The following NUP210 variants were observed in gnomAD, a reference collection of about 807,000 sequenced individuals.
NUP210 encodes the protein nuclear pore membrane glycoprotein 210.
NUP210 carries 151 observed loss-of-function variants against 196.0 expected under a neutral mutation model. The observed-to-expected ratio is 0.77, with a 90% CI of 0.67 to 0.88. The LOEUF (loss-of-function observed/expected upper bound fraction) is 0.88, where lower values mean the gene tolerates loss of function less well. Ranked by LOEUF, NUP210 falls within the 40% of genes least tolerant of loss-of-function variation. NUP210 has a pLI of 0.00. For missense variants in NUP210, 2,314 were observed against 2,493.7 expected (o/e 0.93, Z 1.53); for synonymous variants, 1,070 against 1,052.7 (o/e 1.02, Z -0.32).
intron 28 of NUP210, among the ~76,000 whole-genome samples, chr3:13,332,856 G>T (rs924457864): frequency 2.6e-5 from 4 of 152,222 alleles, no homozygotes; most frequent in Non-Finnish European, 5.9e-5. Flanking sequence ...CAGTGAGGAA[G>T]AACTTTACCT....
intron 14 of NUP210, among the ~76,000 whole-genome samples, chr3:13,361,640 G>C (rs972282080): frequency 6.6e-5 from 10 of 152,104 alleles, no homozygotes; most frequent in African/African-American, 2.2e-4. Context: ...TGCAGTGACT[G>C]CCAAGTCCTC....
At position 13,420,194 on chromosome 3, in the gene NUP210, CA is replaced by C; in HGVS notation, c.32del (p.Leu11ArgfsTer76). The C allele has an allele frequency of 8.3e-7, 1 of 1,208,686 alleles. No individual in the cohort carries two copies. Among genetic ancestry groups the C allele is most frequent in the Non-Finnish European group, 1.0e-6 (1 of 959,034 alleles). The allele number at this position is 1,208,686 out of a possible 1,614,324, so 74.9% of individuals were successfully genotyped here. MAARGRGLLL[L>X]TLSVLLAAGP... ...CCGCCGCCAACAGCACCGACAGCGTCAGCAGCAGCAGCCCCCGGCCCCGCGC... is the reference window on the plus strand; with the variant it reads ...CCGCCGCCAACAGCACCGACAGCGTCGCAGCAGCAGCCCCCGGCCCCGCGC... On this transcript the variant is annotated frameshift_variant, in exon 1 of 40. Transcript: ENST00000254508. LOFTEE classifies it high-confidence loss of function. This position sits in a 1 kb window ranked among gnomAD's most constrained non-coding sequence, Gnocchi z 4.8.
chr3:13,366,139 T>G (rs577915680), intron 13 of NUP210, 48 bp from the exon 14 acceptor site: 11 of 1,563,246 alleles, frequency 7.0e-6, no homozygotes, highest in Admixed American at 5.4e-5. Context: ...CACTTTTTTC[T>G]TTTTTTTGAG....
rs1242295268 is a variant in NUP210 at position 13,347,297 on chromosome 3, T to TAATGGGAAATGTA, written c.2836-4007_2836-3995dup. ...CTCCAGCGTCTCTGAGTGCACGAGT[T>TAATGGGAAATGTA]AATGGGAAATGTAAAGTGCCCAGCA... On this transcript the variant is annotated intron_variant, in intron 20 of 39. Transcript: ENST00000254508. This position sits in a 1 kb window ranked among gnomAD's most constrained non-coding sequence, Gnocchi z 4.7. The TAATGGGAAATGTA allele has an allele frequency of 1.0e-6, 1 of 985,226 alleles. No homozygotes were observed. The highest frequency in any genetic ancestry group is 6.2e-5 in the Admixed American group (1 of 16,260). 61.0% of individuals were successfully genotyped at this position (985,226 alleles called of 1,614,324 possible). A position where few individuals can be genotyped will look rare whatever the true frequency, so the allele number is the denominator to read the frequency against.
At chr3:13,321,563 G>A (rs376889704) in intron 36 of NUP210, 22 bp downstream of exon 36, 24 of 1,608,296 alleles carry the variant, frequency 1.5e-5, no homozygotes, top group Non-Finnish European at 1.8e-5. Flanking sequence ...GGCCTGGCCT[G>A]AGGCATGCAG....
In NUP210 at chr3:13,319,879, G is replaced by A; in HGVS notation, c.5267C>T (p.Ala1756Val). The A allele has an allele frequency of 3.1e-6, 5 of 1,614,228 alleles. No individual in the cohort carries two copies. Among genetic ancestry groups the A allele is most frequent in the Non-Finnish European group, 4.2e-6 (5 of 1,180,028 alleles). ...TYTVGVLDPA[A>V]GSQGPLSTTL... is the part of the protein sequence containing the mutation. ...AGTGGACAGAGGCCCTTGGCTGCCA[G>A]CCGCGGGGTCCAAGACGCCGACCGT... is the stretch of plus-strand genomic sequence containing the variant. The change falls in exon 37 of 40, where the codon GCT becomes GTT. Residue 1756 changes from alanine to valine, a missense_variant. Ala to Val is a moderately conservative substitution (Grantham distance 64). Coordinates refer to ENST00000254508, the MANE Select transcript of NUP210 (RefSeq NM_024923.4).
intron 29 of NUP210, among the ~76,000 whole-genome samples, chr3:13,331,403 C>A (rs753566209): frequency 4.6e-5 from 7 of 152,300 alleles, no homozygotes; most frequent in Non-Finnish European, 1.0e-4. Context: ...AATGTTATTG[C>A]CTCTGCCTAA....
intron 32 of NUP210, among the ~76,000 whole-genome samples, chr3:13,326,432 T>C (rs1364678056): frequency 8.5e-5 from 13 of 152,198 alleles, no homozygotes; most frequent in Admixed American, 8.5e-4. Context: ...TCACATTATA[T>C]AATAAGTACA....
At chr3:13,411,944 T>C (rs1428355845) in intron 1 of NUP210, among the ~76,000 whole-genome samples, 3 of 152,120 alleles carry the variant, frequency 2.0e-5, no homozygotes, top group Non-Finnish European at 4.4e-5. Context: ...GGTTTCACCA[T>C]ATTGGCCAGG....
At position 13,332,498 on chromosome 3, in the gene NUP210, G is replaced by A. The variant is rs184521532; in HGVS notation, c.3844-114C>T. 5.4e-4 allele frequency: 425 copies of A among 787,926 alleles called. 2 individuals carry two copies. The African/African-American group carries it at 6.1e-3, about 11-fold the overall frequency. The allele number at this position is 787,926 out of a possible 1,614,324, so 48.8% of individuals were successfully genotyped here. A position where few individuals can be genotyped will look rare whatever the true frequency, so the allele number is the denominator to read the frequency against. On this transcript the variant is annotated intron_variant, in intron 28 of 39. Coordinates refer to ENST00000254508, the MANE Select transcript of NUP210 (RefSeq NM_024923.4). ...AGGAGGGGCCAGAGAGGAGAAAAGCGGCTTTCTCGTCTGTCAGGTCACTGA... is the reference window on the plus strand; with the variant it reads ...AGGAGGGGCCAGAGAGGAGAAAAGCAGCTTTCTCGTCTGTCAGGTCACTGA...
Position 13,347,129 on chromosome 3 carries a change from C to A in NUP210, c.2836-3826G>T. On this transcript the variant is annotated intron_variant, in intron 20 of 39. Coordinates refer to ENST00000254508, the MANE Select transcript of NUP210 (RefSeq NM_024923.4). This position sits in a 1 kb window ranked among gnomAD's most constrained non-coding sequence, Gnocchi z 4.7. ...CATGACGGGCTGCGCCTCACAGGAC[C>A]CAGGAGATGGAGAGAAGCAGCCGCA... 1 of 985,420 alleles carries A rather than the reference C, an allele frequency of 1.0e-6. No homozygotes were observed. The allele number at this position is 985,420 out of a possible 1,614,324, so 61.0% of individuals were successfully genotyped here.
intron 4 of NUP210, among the ~76,000 whole-genome samples, chr3:13,390,965 C>T (rs1322160499): frequency 6.6e-6 from 1 of 152,224 alleles, no homozygotes; most frequent in Non-Finnish European, 1.5e-5. Flanking sequence ...TCCAGCTGGA[C>T]ATCCCAAGCC....
chr3:13,379,557 G>A lies in NUP210; in HGVS notation c.976+6C>T. The stretch of plus-strand genomic sequence containing the variant: ...CTAAGAACACACAAGCCCAAGAAAA[G>A]GATATTCCTGTGGCCAAGGACGAGG... On this transcript the variant is annotated splice_donor_region_variant and intron_variant, in intron 7 of 39. Coordinates refer to ENST00000254508, the MANE Select transcript of NUP210 (RefSeq NM_024923.4). This position sits in a 1 kb window ranked among gnomAD's most constrained non-coding sequence, Gnocchi z 4.2. The A allele has an allele frequency of 6.2e-7, 1 of 1,614,140 alleles. No homozygotes were observed. The highest frequency in any genetic ancestry group is 8.5e-7 in the Non-Finnish European group (1 of 1,180,038).
chr3:13,345,587 G>A (rs543237150), intron 20 of NUP210, among the ~76,000 whole-genome samples: 7 of 152,340 alleles, frequency 4.6e-5, no homozygotes, highest in African/African-American at 7.2e-5. Context: ...CACACCACCC[G>A]TGTAATGATG....
At position 13,322,081 on chromosome 3, in the gene NUP210, C is replaced by T. The variant is rs1696554090; in HGVS notation, c.4915+112G>A. The T allele has an allele frequency of 2.6e-5, 35 of 1,355,326 alleles. 1 individual carries two copies. In the South Asian group the frequency reaches 4.5e-4, roughly 17 times the overall value. 84.0% of individuals were successfully genotyped at this position (1,355,326 alleles called of 1,614,324 possible). A position where few individuals can be genotyped will look rare whatever the true frequency, so the allele number is the denominator to read the frequency against. ...ATCCCCAGGCTGGGCTCCTGACAATCTCTGCCCTCTGGACAGACGGCCATG... is the reference window on the plus strand; with the variant it reads ...ATCCCCAGGCTGGGCTCCTGACAATTTCTGCCCTCTGGACAGACGGCCATG... On this transcript the variant is annotated intron_variant, in intron 35 of 39. Coordinates refer to ENST00000254508, the MANE Select transcript of NUP210 (RefSeq NM_024923.4).
chr3:13,360,630 C>T, intron 14 of NUP210, 139 bp from the exon 15 acceptor site: 1 of 628,854 alleles, frequency 1.6e-6, no homozygotes, highest in Admixed American at 2.8e-5. Flanking sequence ...GAAACTCATT[C>T]TCGTCATCTG....
intron 5 of NUP210, among the ~76,000 whole-genome samples, chr3:13,388,006 A>C (rs62232831): frequency 0.057 from 8,718 of 152,140 alleles, 568 homozygotes; most frequent in East Asian, 0.32. Flanking sequence ...ACCAGTTGGA[A>C]ACAGGTGAGT....
intron 26 of NUP210, 189 bp from the exon 27 acceptor site, chr3:13,337,107 C>T: frequency 1.8e-6 from 1 of 560,920 alleles, no homozygotes. Flanking sequence ...ACTGTTTTCC[C>T]CATACTGTCC....
intron 1 of NUP210, among the ~76,000 whole-genome samples, chr3:13,418,742 C>A (rs1183754133): frequency 2.0e-5 from 3 of 151,586 alleles, no homozygotes; most frequent in Non-Finnish European, 2.9e-5. Flanking sequence ...GGACAGAGAT[C>A]GCGCCATTGC....
Sources: gnomAD v4.1 joint callset for allele counts (sites outside exome capture counted in the v4.1 genomes callset) on GRCh38, gnomAD v4.1.1 for gene constraint, Gnocchi (gnomAD v3.1) non-coding constraint, MANE v1.5 for transcripts, NCBI Gene and HGNC (gene_info 2026-07-23, HGNC 2026-07-21) for gene names.